The following DLAT variants were observed in gnomAD, a reference collection of about 807,000 sequenced individuals.
The protein encoded by DLAT is dihydrolipoyllysine-residue acetyltransferase component of pyruvate dehydrogenase complex, mitochondrial.
A neutral mutation model predicts 68.0 loss-of-function variants in DLAT; 43 were observed. The observed-to-expected ratio is 0.63, with a 90% CI of 0.50 to 0.81. The LOEUF (loss-of-function observed/expected upper bound fraction) is 0.81, where lower values mean the gene tolerates loss of function less well. Among genes scored for constraint, DLAT ranks in the 40% least tolerant of loss-of-function variants. The pLI, the probability that DLAT is intolerant of heterozygous loss-of-function variation, is 0.00. For missense variants in DLAT, 745 were observed against 815.4 expected, an observed-to-expected ratio of 0.91 and a Z score of 1.05; for synonymous variants, 265 against 288.6, an observed-to-expected ratio of 0.92 and a Z score of 0.83.
intron 2 of DLAT, among the ~76,000 whole-genome samples, chr11:112,026,889 G>A (rs1366987479): frequency 2.0e-5 from 3 of 152,030 alleles, no homozygotes; most frequent in East Asian, 1.9e-4. Flanking sequence ...CAGTAGGGGC[G>A]GCTGGGCAGA....
intron 7 of DLAT, 59 bp from the exon 8 acceptor site, chr11:112,043,406 TG>T: frequency 6.7e-7 from 1 of 1,493,050 alleles, no homozygotes; most frequent in East Asian, 2.3e-5. Flanking sequence ...ATCACAGCGT[TG>T]ATCTCCTTGG....
intron 9 of DLAT, 76 bp downstream of exon 9, chr11:112,045,306 A>C: frequency 1.7e-6 from 2 of 1,207,260 alleles, no homozygotes; most frequent in Non-Finnish European, 2.5e-6. Flanking sequence ...ATAGTTTTTA[A>C]CACATTAACA....
rs1273245066 is a variant in DLAT at position 112,062,061 on chromosome 11, TGTATA to T, written c.1815-341_1815-337del. Among the ~76,000 whole-genome samples, 4 of 152,312 alleles carry T rather than the reference TGTATA, an allele frequency of 2.6e-5. No homozygotes were observed. The South Asian group carries it at 6.2e-4, about 24-fold the overall frequency. On this transcript the variant is annotated intron_variant, in intron 13 of 13. Coordinates refer to ENST00000280346, the MANE Select transcript of DLAT (RefSeq NM_001931.5). Reference sequence around the variant, plus strand: ...AGGAGTCAGCATGCTTTTTTTTAGTTGTATAGTAAGTATTTTAGGCTTTCTGGGAC... The same window carrying T: ...AGGAGTCAGCATGCTTTTTTTTAGTTGTAAGTATTTTAGGCTTTCTGGGAC...
rs1291613598 is a variant in DLAT at position 112,043,679 on chromosome 11, A to T, written c.1197+146A>T. The T allele has an allele frequency of 1.7e-5, 14 of 838,086 alleles. No individual in the cohort carries two copies. The African/African-American group carries it at 1.8e-4, about 11-fold the overall frequency. 51.9% of individuals were successfully genotyped at this position (838,086 alleles called of 1,614,324 possible). On this transcript the variant is annotated intron_variant, in intron 8 of 13. Coordinates refer to ENST00000280346, the MANE Select transcript of DLAT (RefSeq NM_001931.5). ...TTTAATAATACAGTCATCCCTCGGTACCCATGAGAGGTTGGTTCCAGGAGC... is the reference window on the plus strand; with the variant it reads ...TTTAATAATACAGTCATCCCTCGGTTCCCATGAGAGGTTGGTTCCAGGAGC...
At position 112,052,182 on chromosome 11, in the gene DLAT, G is replaced by GT. The variant is rs1863679998; in HGVS notation, c.1514+834dup. 4.6e-5 allele frequency among the ~76,000 whole-genome samples: 7 copies of GT among 152,304 alleles called. No homozygotes were observed. The South Asian group carries it at 1.5e-3, about 32-fold the overall frequency. On this transcript the variant is annotated intron_variant, in intron 11 of 13. Coordinates refer to ENST00000280346, the MANE Select transcript of DLAT (RefSeq NM_001931.5). ...TTCCTTTGTACTTTGCTGTCACACA[G>GT]TCACAGCACCGCTTCTGTGACCAGA... is the stretch of plus-strand genomic sequence containing the variant.
rs1417560971 is a variant in DLAT at position 112,062,891 on chromosome 11, T to A, written c.*356T>A. On this transcript the variant is annotated 3_prime_UTR_variant, in exon 14 of 14. Transcript: ENST00000280346. The stretch of plus-strand genomic sequence containing the variant: ...ACATAAAGGTGACCCTGATGAAACC[T>A]TGAAGTTCTGAAATTTAACTGCCTA... 1.3e-5 allele frequency: 3 copies of A among 239,604 alleles called. No individual in the cohort carries two copies. The highest frequency in any genetic ancestry group is 2.5e-5 in the Non-Finnish European group (3 of 119,952). The allele number at this position is 239,604 out of a possible 1,614,324, so 14.8% of individuals were successfully genotyped here. A position where few individuals can be genotyped will look rare whatever the true frequency, so the allele number is the denominator to read the frequency against.
intron 4 of DLAT, chr11:112,030,266 G>A (rs1236453624): frequency 1.2e-5 from 7 of 566,022 alleles, no homozygotes; most frequent in East Asian, 4.7e-5. Context: ...TAGGCACAAC[G>A]TCTGCAGAGA....
At chr11:112,045,041 C>A (rs114744008) in intron 8 of DLAT, 97 bp from the exon 9 acceptor site, 74 of 789,996 alleles carry the variant, frequency 9.4e-5, no homozygotes, top group Middle Eastern at 2.6e-4. Flanking sequence ...TCTCAAAAGA[C>A]AAAAAAAAAA....
At chr11:112,058,622 G>GA (rs1340087336) in intron 11 of DLAT, among the ~76,000 whole-genome samples, 1 of 128,424 alleles carries the variant, frequency 7.8e-6, no homozygotes, top group East Asian at 2.8e-4. Context: ...GGGAAGGGGG[G>GA]GGTGGGGGGG....
At chr11:112,036,212 T>G (rs1157450688) in intron 5 of DLAT, among the ~76,000 whole-genome samples, 1,750 of 92,752 alleles carry the variant, frequency 0.019, 24 homozygotes, top group East Asian at 0.062. Context: ...TTTTTTTTTT[T>G]TTTTTTTTTT....
chr11:112,026,213 CT>C lies in DLAT; in HGVS notation c.298del (p.Ser100ProfsTer9). 1 of 1,610,780 alleles carries C rather than the reference CT, an allele frequency of 6.2e-7. No individual in the cohort carries two copies. Among genetic ancestry groups the C allele is most frequent in the South Asian group, 1.1e-5 (1 of 90,400 alleles). On this transcript the variant is annotated frameshift_variant, in exon 2 of 14. Coordinates refer to ENST00000280346, the MANE Select transcript of DLAT (RefSeq NM_001931.5). LOFTEE classifies it high-confidence loss of function. ...PPHQKVPLPS[L>X]SPTMQAGTIA... is the part of the protein sequence containing the mutation. The stretch of plus-strand genomic sequence containing the variant: ...CCTTTTCCAGGTTCCATTGCCTTCT[CT>C]TTCCCCCACAATGCAGGCAGGCACC...
chr11:112,034,106 G>A (rs587662714), intron 5 of DLAT, among the ~76,000 whole-genome samples: 2 of 152,264 alleles, frequency 1.3e-5, no homozygotes, highest in South Asian at 4.1e-4. Context: ...CAATCAATCT[G>A]TCAATTCACA....
At chr11:112,029,516 C>T (rs183344841) in intron 4 of DLAT, among the ~76,000 whole-genome samples, 59 of 152,068 alleles carry the variant, frequency 3.9e-4, no homozygotes, top group African/African-American at 1.3e-3. Flanking sequence ...TAACCAGGCT[C>T]TTTATAGCAA....
At chr11:112,025,798 T>C in intron 1 of DLAT, 47 bp downstream of exon 1, 2 of 1,608,012 alleles carry the variant, frequency 1.2e-6, no homozygotes, top group Non-Finnish European at 1.7e-6. Context: ...CCTTCAGAGC[T>C]GACTGGATGC....
intron 5 of DLAT, among the ~76,000 whole-genome samples, chr11:112,034,779 CT>C (rs1194424480): frequency 1.0e-3 from 147 of 140,076 alleles, no homozygotes; most frequent in Non-Finnish European, 9.9e-4. Context: ...CCCGCTTTTT[CT>C]TTTTTTTTTT....
intron 11 of DLAT, among the ~76,000 whole-genome samples, chr11:112,059,095 T>C (rs955572897): frequency 6.6e-6 from 1 of 152,058 alleles, no homozygotes; most frequent in Admixed American, 6.6e-5. Flanking sequence ...TACGTTCTTC[T>C]GAGGTACCAC....
intron 4 of DLAT, among the ~76,000 whole-genome samples, chr11:112,029,324 G>A (rs782153664): frequency 6.6e-6 from 1 of 152,152 alleles, no homozygotes; most frequent in African/African-American, 2.4e-5. Context: ...CTAGGGCTGG[G>A]TAATTTATAA....
chr11:112,045,420 G>C (rs950661099), intron 9 of DLAT, among the ~76,000 whole-genome samples, 190 bp downstream of exon 9: 1 of 152,162 alleles, frequency 6.6e-6, no homozygotes, highest in African/African-American at 2.4e-5. Flanking sequence ...AGGCGCAGTA[G>C]CTCATGCCTG....
chr11:112,058,833 A>G (rs1555182862), intron 11 of DLAT, among the ~76,000 whole-genome samples: 2 of 152,132 alleles, frequency 1.3e-5, no homozygotes, highest in African/African-American at 2.4e-5. Context: ...TTAGACCTGC[A>G]ACAAGATCTT....
Sources: allele counts gnomAD v4.1 joint callset (sites outside exome capture counted in the v4.1 genomes callset), GRCh38; gene constraint gnomAD v4.1.1; transcripts MANE v1.5; gene names NCBI Gene and HGNC (gene_info 2026-07-23, HGNC 2026-07-21).